Variants in SEMA6A observed in about 807,000 individuals in gnomAD.
SEMA6A encodes semaphorin 6A, also known as semaphorin-6A.
Under a neutral mutation model 96.8 loss-of-function variants are expected in SEMA6A, and 25 were observed. That is an observed-to-expected ratio of 0.26 (90% CI 0.19 to 0.36). The LOEUF (loss-of-function observed/expected upper bound fraction) is 0.36, where lower values mean the gene tolerates loss of function less well. SEMA6A is among the 10% of genes least tolerant of loss of function. The pLI, the probability that SEMA6A is intolerant of heterozygous loss-of-function variation, is 1.00. For missense variants in SEMA6A, 1,363 were observed against 1,323.1 expected (o/e 1.03, Z -0.47); for synonymous variants, 612 against 518.0 (o/e 1.18, Z -2.46).
At position 116,511,010 on chromosome 5, in the gene SEMA6A, G is replaced by A. The variant is rs148307953; in HGVS notation, c.-38-6028C>T. Reference sequence around the variant, plus strand: ...CTTATTATCTGTGTTGTAAACACAAGAGTAAACTGCAATTCAGGGAGGTTA... The same window carrying A: ...CTTATTATCTGTGTTGTAAACACAAAAGTAAACTGCAATTCAGGGAGGTTA... On this transcript the variant is annotated intron_variant, in intron 1 of 18. Transcript: ENST00000343348. Among the ~76,000 whole-genome samples the A allele has an allele frequency of 1.0e-3, 152 of 152,274 alleles. 1 individual carries two copies. Among genetic ancestry groups the A allele is most frequent in the African/African-American group, 3.4e-3 (142 of 41,550 alleles).
At chr5:116,523,520 G>A (rs998194894) in intron 1 of SEMA6A, among the ~76,000 whole-genome samples, 4 of 152,076 alleles carry the variant, frequency 2.6e-5, no homozygotes, top group South Asian at 2.1e-4. Flanking sequence ...TCATGTTGCC[G>A]AGGCCGGTCT....
chr5:116,482,460 G>T lies in SEMA6A; in HGVS notation c.1078C>A (p.Arg360=), dbSNP rs779027886. The change falls in exon 11 of 19, where the codon CGA becomes AGA. Residue 360 remains arginine (R), a synonymous_variant. Transcript: ENST00000343348. ...TGCACATACCTGGGCTTAGGAACTC[G>T]TTCATCAGGAACTGGTGTCCAGGTG... ...DSTWTPVPDE[R]VPKPRPGCCA... The T allele has an allele frequency of 6.2e-7, 1 of 1,613,262 alleles. No individual in the cohort carries two copies. The highest frequency in any genetic ancestry group is 8.5e-7 in the Non-Finnish European group (1 of 1,179,536).
rs534038300 is a variant in SEMA6A, at chr5:116,528,013, A to C, written c.-38-23031T>G. 2.9e-3 allele frequency among the ~76,000 whole-genome samples: 435 copies of C among 152,302 alleles called. 2 individuals are homozygous for C. The highest frequency in any genetic ancestry group is 9.9e-3 in the African/African-American group (413 of 41,568). On this transcript the variant is annotated intron_variant, in intron 1 of 18. Coordinates refer to ENST00000343348, the MANE Select transcript of SEMA6A (RefSeq NM_020796.5). ...TTAATTAACAACTTTTGCAAGACAT[A>C]AGTTGCAGATACAATTTCCTGTAGG...
At chr5:116,565,735 T>C (rs928815621) in intron 1 of SEMA6A, among the ~76,000 whole-genome samples, 2 of 152,220 alleles carry the variant, frequency 1.3e-5, no homozygotes, top group African/African-American at 4.8e-5. Flanking sequence ...AACCAAAATA[T>C]GTGAATGAAA....
rs945772257 is a variant in SEMA6A, at chr5:116,445,016, A to G, written c.*1597T>C. 1.3e-5 allele frequency: 2 copies of G among 152,736 alleles called. No homozygotes were observed. The highest frequency in any genetic ancestry group is 2.9e-5 in the Non-Finnish European group (2 of 68,082). 9.5% of individuals were successfully genotyped at this position (152,736 alleles called of 1,614,324 possible). Reference sequence around the variant, plus strand: ...GGATGAAAGGGGATTTGACACACCCACAACAACACTGGGGTCCATGCTTCG... The same window carrying G: ...GGATGAAAGGGGATTTGACACACCCGCAACAACACTGGGGTCCATGCTTCG... On this transcript the variant is annotated 3_prime_UTR_variant, in exon 19 of 19. Coordinates refer to ENST00000343348, the MANE Select transcript of SEMA6A (RefSeq NM_020796.5).
chr5:116,470,257 G>A (rs1351832937), intron 17 of SEMA6A, among the ~76,000 whole-genome samples: 2 of 152,086 alleles, frequency 1.3e-5, no homozygotes, highest in African/African-American at 4.8e-5. Context: ...TTTTAAGGTT[G>A]TATTATTTTT....
intron 3 of SEMA6A, 73 bp from the exon 4 acceptor site, chr5:116,497,460 T>TG (rs1378380785): frequency 1.1e-6 from 1 of 918,532 alleles, no homozygotes; most frequent in African/African-American, 1.7e-5. Context: ...TAATGAGTTA[T>TG]GTCTTATCAG....
In SEMA6A at chr5:116,488,170, A is replaced by G; in HGVS notation, c.682T>C (p.Tyr228His). Residue 228 changes from tyrosine to histidine, a missense_variant, in exon 9 of 19, where the codon TAC (tyrosine) becomes CAC (histidine). Physicochemically the swap from Tyr to His is moderately conservative, Grantham distance 83. This residue lies in a region of SEMA6A where 480 missense variants were observed against 559.5 expected (regional missense o/e 0.86). Transcript: ENST00000343348. ...KEPYFVQAVD[Y>H]GDYIYFFFRE... ...AAGAAGAAGTAGATATAATCTCCGT[A>G]ATCCACGGCTTGAACAAAGTATGGT... 6.2e-7 allele frequency: 1 copy of G among 1,611,776 alleles called. No homozygotes were observed. The highest frequency in any genetic ancestry group is 8.5e-7 in the Non-Finnish European group (1 of 1,178,740).
chr5:116,457,899 T>C (rs1580375559), intron 18 of SEMA6A, among the ~76,000 whole-genome samples: 1 of 152,154 alleles, frequency 6.6e-6, no homozygotes, highest in Non-Finnish European at 1.5e-5. Context: ...TTTTTCATCC[T>C]CTGTCTTTCC....
chr5:116,454,997 G>GAAAT (rs535017306), intron 18 of SEMA6A, among the ~76,000 whole-genome samples: 43 of 152,256 alleles, frequency 2.8e-4, no homozygotes, highest in African/African-American at 1.0e-3. Flanking sequence ...CTCACATATT[G>GAAAT]AAATAATGCT....
intron 18 of SEMA6A, among the ~76,000 whole-genome samples, chr5:116,458,637 T>G (rs1755169096): frequency 6.6e-6 from 1 of 152,128 alleles, no homozygotes; most frequent in Non-Finnish European, 1.5e-5. Flanking sequence ...AATAAAAGGT[T>G]AGTGGTATCC....
chr5:116,532,551 C>A (rs528241297), intron 1 of SEMA6A, among the ~76,000 whole-genome samples: 2 of 152,146 alleles, frequency 1.3e-5, no homozygotes, highest in South Asian at 2.1e-4. Flanking sequence ...TCCCTCCCCC[C>A]CAGTCCTGAA....
chr5:116,469,707 A>T (rs1755989903), intron 17 of SEMA6A, among the ~76,000 whole-genome samples: 1 of 152,246 alleles, frequency 6.6e-6, no homozygotes, highest in South Asian at 2.1e-4. Flanking sequence ...TGGTTTAGGG[A>T]GAACATTTCT....
intron 7 of SEMA6A, among the ~76,000 whole-genome samples, chr5:116,490,990 T>C (rs1408610517): frequency 6.6e-6 from 1 of 152,156 alleles, no homozygotes; most frequent in Non-Finnish European, 1.5e-5. Flanking sequence ...CTTTATATCT[T>C]TTGCAGTGGA....
At chr5:116,450,861 G>A (rs938197035) in intron 18 of SEMA6A, among the ~76,000 whole-genome samples, 7 of 152,214 alleles carry the variant, frequency 4.6e-5, no homozygotes, top group African/African-American at 1.7e-4. Context: ...AAGTGCAGTT[G>A]AAGAAGATAA....
chr5:116,541,792 C>T (rs973902551), intron 1 of SEMA6A, among the ~76,000 whole-genome samples: 1 of 152,150 alleles, frequency 6.6e-6, no homozygotes, highest in African/African-American at 2.4e-5. Flanking sequence ...GAGATCACGC[C>T]ACTGCACTCC....
At chr5:116,493,038 G>C (rs1757406973) in intron 6 of SEMA6A, among the ~76,000 whole-genome samples, 1 of 152,204 alleles carries the variant, frequency 6.6e-6, no homozygotes, top group Non-Finnish European at 1.5e-5. Context: ...GTTGGGAACT[G>C]AGCATGAGCA....
chr5:116,538,557 G>A (rs940792356), intron 1 of SEMA6A, among the ~76,000 whole-genome samples: 2 of 152,038 alleles, frequency 1.3e-5, no homozygotes, highest in Admixed American at 6.6e-5. Flanking sequence ...CTTGAAGATC[G>A]TTCTGCTCAG....
In SEMA6A at chr5:116,488,922, C is replaced by T; in HGVS notation, c.621G>A (p.Leu207=). 3 of 1,588,196 alleles carry T rather than the reference C, an allele frequency of 1.9e-6. No homozygotes were observed. Among genetic ancestry groups the T allele is most frequent in the Non-Finnish European group, 2.6e-6 (3 of 1,166,224 alleles). ...IYRSLGESPT[L]RTVKHDSKWL... is the part of the protein sequence containing the mutation. ...ATTTTGAATCGTGCTTGACGGTCCG[C>T]AGGGTAGGGCTTTCTCCAAGACTCC... The change falls in exon 8 of 19, where the codon CTG becomes CTA. Residue 207 remains leucine, a synonymous_variant. Transcript: ENST00000343348.
Sources: allele counts gnomAD v4.1 joint callset (sites outside exome capture counted in the v4.1 genomes callset), GRCh38; gene constraint gnomAD v4.1.1; regional missense constraint gnomAD v4.1.1; transcripts MANE v1.5; gene names NCBI Gene and HGNC (gene_info 2026-07-23, HGNC 2026-07-21).